Variants in LRRIQ1 observed in about 807,000 individuals in gnomAD.
LRRIQ1 encodes leucine-rich repeat- and IQ domain-containing protein 1.
LRRIQ1 carries 210 observed loss-of-function variants against 211.9 expected under a neutral mutation model. That is an observed-to-expected ratio of 0.99 (90% CI 0.89 to 1.11). LRRIQ1 has a LOEUF of 1.11. Ranked by LOEUF, LRRIQ1 falls within the 50% of genes most tolerant of loss-of-function variation. The probability of loss-of-function intolerance (pLI) is 0.00; values close to 1 mark genes in which losing one functional copy is unlikely to be tolerated. For synonymous variants in LRRIQ1, 699 were observed against 650.1 expected (o/e 1.08, Z -1.14); for missense variants, 2,136 against 1,939.5 (o/e 1.10, Z -1.90).
intron 24 of LRRIQ1, among the ~76,000 whole-genome samples, chr12:85,205,369 G>A (rs761817937): frequency 6.6e-6 from 1 of 152,108 alleles, no homozygotes; most frequent in East Asian, 1.9e-4. Context: ...AGCTTACTTG[G>A]ACTGGATATG....
downstream of LRRIQ1, among the ~76,000 whole-genome samples, chr12:85,267,725 A>C (rs1184488747): frequency 6.6e-6 from 1 of 152,050 alleles, no homozygotes; most frequent in Admixed American, 6.6e-5. Flanking sequence ...ACTCAGTGTG[A>C]TACATAGACA....
At chr12:85,253,560 G>A (rs1001521458) in intron 1 of LRRIQ1, among the ~76,000 whole-genome samples, 1 of 151,914 alleles carries the variant, frequency 6.6e-6, no homozygotes, top group Non-Finnish European at 1.5e-5. Context: ...TCATTATAGT[G>A]TCTTCTCATT....
intron 1 of LRRIQ1, among the ~76,000 whole-genome samples, chr12:85,262,175 A>G (rs1896319720): frequency 1.3e-5 from 2 of 152,232 alleles, no homozygotes; most frequent in South Asian, 4.1e-4. Flanking sequence ...TAGGACTAGG[A>G]CTATTGTTTT....
intron 7 of LRRIQ1, among the ~76,000 whole-genome samples, chr12:85,052,748 T>C (rs1341780661): frequency 4.6e-5 from 7 of 152,122 alleles, no homozygotes; most frequent in African/African-American, 9.7e-5. Flanking sequence ...TCCTTTCAAA[T>C]CTTTTTAAAA....
chr12:85,113,907 T>TTGTGTGTGTG (rs71076112), intron 15 of LRRIQ1, among the ~76,000 whole-genome samples: 13,664 of 140,794 alleles, frequency 0.097, 907 homozygotes, highest in African/African-American at 0.17. Flanking sequence ...CAAATGAGTT[T>TTGTGTGTGTG]TGTGTGTGTG....
intron 2 of LRRIQ1, among the ~76,000 whole-genome samples, chr12:85,038,554 A>C (rs1003711090): frequency 6.6e-6 from 1 of 151,694 alleles, no homozygotes; most frequent in East Asian, 1.9e-4. Context: ...ATTAAATTAC[A>C]TGGGAAGAAA....
intron 2 of LRRIQ1, 53 bp from the exon 3 acceptor site, chr12:85,040,437 A>G: frequency 8.8e-7 from 1 of 1,133,514 alleles, no homozygotes; most frequent in Non-Finnish European, 1.2e-6. Context: ...AATTTGACAC[A>G]TAATTTTGAT....
rs137942641 is a variant in LRRIQ1, at chr12:85,081,617, A to T, written c.2887+8519A>T. Among the ~76,000 whole-genome samples, 56 of 151,980 alleles carry T rather than the reference A, an allele frequency of 3.7e-4. No homozygotes were observed. In the East Asian group the frequency reaches 0.01, roughly 27 times the overall value. On this transcript the variant is annotated intron_variant, in intron 11 of 26. Coordinates refer to ENST00000393217, the MANE Select transcript of LRRIQ1 (RefSeq NM_001079910.2). ...AGGTGTGTGTGTTGCAGGATTTTAA[A>T]TGTATTTTTATTTAACTCCGCAAGG...
chr12:85,189,158 A>G (rs1249226761), intron 24 of LRRIQ1, among the ~76,000 whole-genome samples: 2 of 152,162 alleles, frequency 1.3e-5, no homozygotes, highest in East Asian at 3.9e-4. Context: ...GAATGCCAAG[A>G]TATGCTCCTG....
Position 85,124,344 on chromosome 12 carries a change from A to G in LRRIQ1, c.3832A>G (p.Ser1278Gly). ...CTCTGTCTCCAGCCACTCCCCATTA[A>G]GCAAATCCGCCACATGTGAAAATAT... ...MDSVSSHSPL[S>G]KSATCENMEG... The change falls in exon 17 of 27, where the codon AGC (serine) becomes GGC (glycine). Residue 1278 changes from serine (S) to glycine (G), a missense_variant. By Grantham distance (56) the Ser-to-Gly change is moderately conservative (BLOSUM62 0). Transcript: ENST00000393217. 2 of 1,614,128 alleles carry G rather than the reference A, an allele frequency of 1.2e-6. No homozygotes were observed. The highest frequency in any genetic ancestry group is 1.7e-6 in the Non-Finnish European group (2 of 1,180,024).
At chr12:85,079,291 G>A (rs532750843) in intron 11 of LRRIQ1, among the ~76,000 whole-genome samples, 22 of 125,734 alleles carry the variant, frequency 1.7e-4, no homozygotes, top group South Asian at 7.4e-4. Flanking sequence ...ACTCTGTCTC[G>A]GCTTACTGCA....
chr12:85,100,612 T>C (rs1012185893), intron 13 of LRRIQ1, among the ~76,000 whole-genome samples: 2 of 151,794 alleles, frequency 1.3e-5, no homozygotes, highest in East Asian at 1.9e-4. Flanking sequence ...GTAAAATTAT[T>C]GTATAATATA....
intron 12 of LRRIQ1, 75 bp from the exon 13 acceptor site, chr12:85,098,792 T>C (rs1886119034): frequency 3.6e-6 from 4 of 1,106,724 alleles, no homozygotes; most frequent in Non-Finnish European, 5.1e-6. Flanking sequence ...TTTTGGAAGG[T>C]TGTGTATTTT....
At chr12:85,161,501 T>C (rs1008289656) in intron 24 of LRRIQ1, among the ~76,000 whole-genome samples, 2 of 152,126 alleles carry the variant, frequency 1.3e-5, no homozygotes, top group Non-Finnish European at 2.9e-5. Context: ...AAAAATGGAA[T>C]CATATTTTAA....
downstream of LRRIQ1, among the ~76,000 whole-genome samples, chr12:85,267,411 A>C (rs1896446109): frequency 6.6e-6 from 1 of 151,382 alleles, no homozygotes; most frequent in Non-Finnish European, 1.5e-5. Context: ...AAAGAAACAA[A>C]GATGCATAAA....
At chr12:85,192,784 AAT>A (rs1466279383) in intron 24 of LRRIQ1, among the ~76,000 whole-genome samples, 17 of 104,666 alleles carry the variant, frequency 1.6e-4, no homozygotes, top group South Asian at 3.2e-4. Context: ...ATTATATATA[AAT>A]ATATATAGTT....
chr12:85,136,785 A>C (rs73182423), intron 18 of LRRIQ1, among the ~76,000 whole-genome samples: 1 of 152,028 alleles, frequency 6.6e-6, no homozygotes, highest in Non-Finnish European at 1.5e-5. Flanking sequence ...TTTTGTGGCC[A>C]AATTTGTCTT....
chr12:85,208,413 G>A (rs1237537939), intron 24 of LRRIQ1, among the ~76,000 whole-genome samples: 1 of 151,910 alleles, frequency 6.6e-6, no homozygotes, highest in African/African-American at 2.4e-5. Context: ...CATTAATGCG[G>A]ATATATAGAA....
chr12:85,134,329 C>T (rs773928477), intron 18 of LRRIQ1, among the ~76,000 whole-genome samples: 2 of 152,026 alleles, frequency 1.3e-5, no homozygotes, highest in African/African-American at 2.4e-5. Context: ...AATACCTCCC[C>T]AATGCTCCCC....
Sources: gnomAD v4.1 joint callset for allele counts (sites outside exome capture counted in the v4.1 genomes callset) on GRCh38, gnomAD v4.1.1 for gene constraint, MANE v1.5 for transcripts, NCBI Gene and HGNC (gene_info 2026-07-23, HGNC 2026-07-21) for gene names.